TMEM132B: variants seen among roughly 807,000 people sequenced by gnomAD.
TMEM132B encodes transmembrane protein 132B.
A neutral mutation model predicts 90.8 loss-of-function variants in TMEM132B; 18 were observed. The ratio of observed to expected loss-of-function variants is 0.20; its 90% CI spans 0.14 to 0.29. The LOEUF is 0.29. Among genes scored for constraint, TMEM132B ranks in the 10% least tolerant of loss-of-function variants. TMEM132B has a pLI of 1.00. For synonymous variants in TMEM132B, 504 were observed against 523.3 expected (o/e 0.96, Z 0.50); for missense variants, 1,096 against 1,326.8 (o/e 0.83, Z 2.70).
intron 4 of TMEM132B, among the ~76,000 whole-genome samples, chr12:125,568,234 C>G (rs980844997): frequency 6.6e-6 from 1 of 152,122 alleles, no homozygotes; most frequent in Non-Finnish European, 1.5e-5. Flanking sequence ...TCCCTCTTCC[C>G]TTTTCTTTTT....
chr12:125,306,494 A>G (rs979609962), intron 1 of TMEM132B, among the ~76,000 whole-genome samples: 1 of 152,148 alleles, frequency 6.6e-6, no homozygotes, highest in Non-Finnish European at 1.5e-5. Flanking sequence ...TTCCTCCCAC[A>G]GCCTTCCCTA....
At chr12:125,203,715 A>AT (rs1466377491) in intron 1 of TMEM132B, among the ~76,000 whole-genome samples, 2 of 152,170 alleles carry the variant, frequency 1.3e-5, no homozygotes, top group African/African-American at 4.8e-5. Flanking sequence ...GTAAAGTATA[A>AT]TTTTTTCCTC....
chr12:125,465,111 A>G (rs994710714), intron 3 of TMEM132B, among the ~76,000 whole-genome samples: 3 of 152,190 alleles, frequency 2.0e-5, no homozygotes, highest in African/African-American at 7.2e-5. Flanking sequence ...AAAATCCTCA[A>G]ATGTTAATCC....
chr12:125,615,465 T>C (rs1005880249), intron 5 of TMEM132B, among the ~76,000 whole-genome samples: 5 of 152,204 alleles, frequency 3.3e-5, no homozygotes, highest in African/African-American at 1.2e-4. Flanking sequence ...TCAGTCTTGC[T>C]GCTTATTTCT....
intron 2 of TMEM132B, among the ~76,000 whole-genome samples, chr12:125,367,150 G>C (rs371609003): frequency 1.3e-5 from 2 of 151,930 alleles, no homozygotes; most frequent in East Asian, 3.9e-4. Flanking sequence ...CTAACATCTG[G>C]GTCATCCTCA....
At chr12:125,432,554 G>GATAGAGAGAT (rs769360222) in intron 3 of TMEM132B, among the ~76,000 whole-genome samples, 787 of 72,780 alleles carry the variant, frequency 0.011, 211 homozygotes, top group Middle Eastern at 0.019. Flanking sequence ...GAGAGAGAGA[G>GATAGAGAGAT]AGAGAGAGAG....
chr12:125,426,357 C>T (rs1461099684), intron 3 of TMEM132B, among the ~76,000 whole-genome samples: 1 of 151,962 alleles, frequency 6.6e-6, no homozygotes, highest in Non-Finnish European at 1.5e-5. Flanking sequence ...TTTTCATTCT[C>T]ATGATTAAAT....
chr12:125,645,599 G>T (rs2137033575), intron 6 of TMEM132B, among the ~76,000 whole-genome samples: 1 of 152,320 alleles, frequency 6.6e-6, no homozygotes, highest in Admixed American at 6.5e-5. Flanking sequence ...CTTAGGAACA[G>T]AATTCTGTCA....
intron 3 of TMEM132B, among the ~76,000 whole-genome samples, chr12:125,505,663 G>C: frequency 6.6e-6 from 1 of 151,300 alleles, no homozygotes; most frequent in Non-Finnish European, 1.5e-5. Flanking sequence ...ACACCACTGT[G>C]CTCAAGCTTG....
At chr12:125,532,252 A>C (rs766974802) in intron 4 of TMEM132B, among the ~76,000 whole-genome samples, 76 of 152,242 alleles carry the variant, frequency 5.0e-4, no homozygotes, top group Non-Finnish European at 3.8e-4. Flanking sequence ...GTTGTCAGTC[A>C]GAGCAACAAA....
At chr12:125,566,227 T>G (rs1197241300) in intron 4 of TMEM132B, among the ~76,000 whole-genome samples, 1 of 152,224 alleles carries the variant, frequency 6.6e-6, no homozygotes, top group Non-Finnish European at 1.5e-5. Context: ...CCCTTCTCCT[T>G]CACTTCCCTT....
chr12:125,472,171 G>A (rs1365394349), intron 3 of TMEM132B, among the ~76,000 whole-genome samples: 2 of 152,124 alleles, frequency 1.3e-5, no homozygotes, highest in Non-Finnish European at 1.5e-5. Context: ...CTTGAGATGG[G>A]GTGAATAATC....
chr12:125,325,311 G>A (rs760653443), intron 1 of TMEM132B, among the ~76,000 whole-genome samples: 11 of 152,126 alleles, frequency 7.2e-5, no homozygotes, highest in Admixed American at 1.3e-4. Flanking sequence ...AGAATGCATG[G>A]CCATGGGAGC....
At chr12:125,652,248 C>G (rs900375808) in intron 7 of TMEM132B, among the ~76,000 whole-genome samples, 193 bp from the exon 8 acceptor site, 1 of 152,088 alleles carries the variant, frequency 6.6e-6, no homozygotes, top group Non-Finnish European at 1.5e-5. Flanking sequence ...GTAAATAGAC[C>G]AAGATGATCT....
chr12:125,360,059 A>G (rs983032912), intron 2 of TMEM132B, among the ~76,000 whole-genome samples: 2 of 152,210 alleles, frequency 1.3e-5, no homozygotes, highest in Non-Finnish European at 2.9e-5. Context: ...GCCTGGCGAC[A>G]GAGCAAGACT....
Position 125,621,008 on chromosome 12 carries a change from A to T in TMEM132B, c.1438-23068A>T, listed in dbSNP as rs1021922612. ...AACTTTGGGAGACTTGGCCCAAGAT[A>T]TGCCATTGATTCAAACCTCATAAGA... On this transcript the variant is annotated intron_variant, in intron 5 of 8. Transcript: ENST00000682704. Among the ~76,000 whole-genome samples the T allele has an allele frequency of 3.9e-5, 6 of 152,358 alleles. No individual in the cohort carries two copies. The East Asian group carries it at 1.2e-3, about 29-fold the overall frequency.
chr12:125,436,552 C>T (rs1436492689), intron 3 of TMEM132B, among the ~76,000 whole-genome samples: 2 of 152,142 alleles, frequency 1.3e-5, no homozygotes, highest in Admixed American at 6.5e-5. Flanking sequence ...AGGCAGAGGG[C>T]GTGATGCATC....
At chr12:125,636,603 C>T (rs1000525202) in intron 5 of TMEM132B, among the ~76,000 whole-genome samples, 2 of 152,214 alleles carry the variant, frequency 1.3e-5, no homozygotes, top group African/African-American at 2.4e-5. Context: ...CATGTATTCT[C>T]ATCCCTCCCT....
At chr12:125,423,219 CGATTTTAG>C (rs1397228419) in intron 3 of TMEM132B, among the ~76,000 whole-genome samples, 1 of 152,140 alleles carries the variant, frequency 6.6e-6, no homozygotes. Flanking sequence ...TAGTTTTAAA[CGATTTTAG>C]GATTTGAAAG....
Sources: gnomAD v4.1 joint callset for allele counts (sites outside exome capture counted in the v4.1 genomes callset) on GRCh38, gnomAD v4.1.1 for gene constraint, MANE v1.5 for transcripts, NCBI Gene and HGNC (gene_info 2026-07-23, HGNC 2026-07-21) for gene names.